Variants in FOXN3 observed in about 807,000 individuals in gnomAD.
The protein encoded by FOXN3 is forkhead box protein N3.
A neutral mutation model predicts 38.4 loss-of-function variants in FOXN3; 7 were observed. The ratio of observed to expected loss-of-function variants is 0.18; its 90% CI spans 0.10 to 0.34. The LOEUF (loss-of-function observed/expected upper bound fraction) is 0.34. Among genes scored for constraint, FOXN3 ranks in the 10% least tolerant of loss-of-function variants. FOXN3 has a pLI of 1.00. For missense variants in FOXN3, 456 were observed against 613.4 expected, an observed-to-expected ratio of 0.74 and a Z score of 2.71; for synonymous variants, 230 against 242.2, an observed-to-expected ratio of 0.95 and a Z score of 0.47.
intron 3 of FOXN3, among the ~76,000 whole-genome samples, chr14:89,340,114 G>C (rs1888575519): frequency 6.6e-6 from 1 of 152,094 alleles, no homozygotes; most frequent in African/African-American, 2.4e-5. Context: ...GGGGGTGCAG[G>C]GGAAGGAGGT....
At chr14:89,597,332 T>C (rs1009178519) in intron 1 of FOXN3, among the ~76,000 whole-genome samples, 23 of 152,206 alleles carry the variant, frequency 1.5e-4, no homozygotes, top group African/African-American at 5.5e-4. Context: ...ATTTCCATCC[T>C]ATACTCTATG....
chr14:89,261,369 T>A (rs1279408853), intron 4 of FOXN3, among the ~76,000 whole-genome samples: 1 of 152,204 alleles, frequency 6.6e-6, no homozygotes, highest in Non-Finnish European at 1.5e-5. Flanking sequence ...GCAGAAACGC[T>A]GGGACTCAAG....
chr14:89,177,075 A>G (rs1887541473), intron 5 of FOXN3, among the ~76,000 whole-genome samples: 1 of 142,984 alleles, frequency 7.0e-6, no homozygotes, highest in Non-Finnish European at 1.5e-5. Flanking sequence ...CAATGGCACA[A>G]TTTCGGCTCA....
chr14:89,547,224 G>GTTAT lies in FOXN3; in HGVS notation c.-15+71800_-15+71803dup, dbSNP rs142859577. On this transcript the variant is annotated intron_variant, in intron 1 of 6. Transcript: ENST00000345097. The stretch of plus-strand genomic sequence containing the variant: ...TCTATAACAGAATACCAGACACTAG[G>GTTAT]TTATTTATTTATTTATTTATTTATT... Among the ~76,000 whole-genome samples the GTTAT allele has an allele frequency of 3.7e-3, 530 of 144,852 alleles. 3 individuals carry two copies. The highest frequency in any genetic ancestry group is 0.011 in the Admixed American group (156 of 14,450).
intron 1 of FOXN3, among the ~76,000 whole-genome samples, chr14:89,531,016 T>C (rs1248954551): frequency 6.8e-6 from 1 of 147,594 alleles, no homozygotes; most frequent in Non-Finnish European, 1.5e-5. Flanking sequence ...ATACATATAA[T>C]ATCTACACAT....
chr14:89,528,418 A>T (rs757130153), intron 1 of FOXN3, among the ~76,000 whole-genome samples: 4 of 84,410 alleles, frequency 4.7e-5, no homozygotes, highest in Non-Finnish European at 6.9e-5. Context: ...TTGAAAAAGA[A>T]AGAGTTTTGC....
chr14:89,495,387 T>A (rs1038536282), intron 1 of FOXN3, among the ~76,000 whole-genome samples: 1 of 152,220 alleles, frequency 6.6e-6, no homozygotes, highest in Non-Finnish European at 1.5e-5. Flanking sequence ...AATTGAATCA[T>A]GCTTGGCTAT....
At chr14:89,411,841 C>T in intron 2 of FOXN3, 93 bp downstream of exon 2, 1 of 801,800 alleles carries the variant, frequency 1.2e-6, no homozygotes, top group Non-Finnish European at 1.8e-6. Flanking sequence ...ACTGCTACTT[C>T]AATGTGGTGA....
At chr14:89,389,140 T>C (rs1032604363) in intron 2 of FOXN3, among the ~76,000 whole-genome samples, 1 of 152,148 alleles carries the variant, frequency 6.6e-6, no homozygotes, top group Admixed American at 6.5e-5. Flanking sequence ...TACAGGCCCG[T>C]TTGGGAGGAA....
intron 1 of FOXN3, among the ~76,000 whole-genome samples, chr14:89,589,433 G>C (rs1895907999): frequency 2.0e-5 from 3 of 152,096 alleles, no homozygotes; most frequent in Admixed American, 6.5e-5. Flanking sequence ...ATGGCAGAAG[G>C]CACCACCAGT....
intron 1 of FOXN3, among the ~76,000 whole-genome samples, chr14:89,582,159 C>T (rs956051432): frequency 5.3e-5 from 8 of 152,130 alleles, no homozygotes; most frequent in Non-Finnish European, 1.2e-4. Context: ...AACAGTCCCC[C>T]GTCTGTGGGA....
chr14:89,373,165 C>CA (rs1388930361), intron 2 of FOXN3, among the ~76,000 whole-genome samples: 6 of 150,254 alleles, frequency 4.0e-5, no homozygotes, highest in Non-Finnish European at 7.4e-5. Context: ...GACCCTGTCT[C>CA]AAAAAAAAGA....
intron 1 of FOXN3, among the ~76,000 whole-genome samples, chr14:89,583,728 T>C (rs775734667): frequency 6.6e-6 from 1 of 151,906 alleles, no homozygotes; most frequent in Non-Finnish European, 1.5e-5. Flanking sequence ...TCTGGCTAAT[T>C]TTTGTATTTT....
chr14:89,554,622 G>A lies in FOXN3; in HGVS notation c.-15+64406C>T, dbSNP rs1895076175. On this transcript the variant is annotated intron_variant, in intron 1 of 6. Transcript: ENST00000345097. ...GCAGTGAAAACTTTCTCACCTCTGTGGCCAGCCACTCAATTCTACTTCTCA... is the reference window on the plus strand; with the variant it reads ...GCAGTGAAAACTTTCTCACCTCTGTAGCCAGCCACTCAATTCTACTTCTCA... Among the ~76,000 whole-genome samples the A allele has an allele frequency of 2.6e-5, 4 of 151,902 alleles. No individual in the cohort carries two copies. The South Asian group carries it at 8.3e-4, about 32-fold the overall frequency.
At chr14:89,180,862 C>A in intron 4 of FOXN3, 56 bp from the exon 5 acceptor site, 1 of 1,427,068 alleles carries the variant, frequency 7.0e-7, no homozygotes, top group South Asian at 1.3e-5. Flanking sequence ...TGAAGATTTC[C>A]GTTCCAAGTC....
chr14:89,198,951 C>T (rs776385099), intron 4 of FOXN3, among the ~76,000 whole-genome samples: 2 of 152,180 alleles, frequency 1.3e-5, no homozygotes, highest in African/African-American at 4.8e-5. Context: ...CCCTAGGCAT[C>T]GGTTAAGACA....
intron 4 of FOXN3, among the ~76,000 whole-genome samples, chr14:89,240,568 T>G (rs936925679): frequency 6.6e-6 from 1 of 152,100 alleles, no homozygotes; most frequent in Admixed American, 6.5e-5. Flanking sequence ...GAAAGCTACA[T>G]GATAAAAAAA....
intron 1 of FOXN3, among the ~76,000 whole-genome samples, chr14:89,602,307 G>T (rs913193121): frequency 6.7e-6 from 1 of 150,226 alleles, no homozygotes; most frequent in African/African-American, 2.5e-5. Flanking sequence ...AAACACATGC[G>T]AAAGAAAAAG....
intron 2 of FOXN3, among the ~76,000 whole-genome samples, chr14:89,408,480 C>T (rs895058445): frequency 6.6e-6 from 1 of 151,484 alleles, no homozygotes; most frequent in Non-Finnish European, 1.5e-5. Flanking sequence ...TCTCAAACTC[C>T]TGCACTCAAG....
Sources: gnomAD v4.1 joint callset for allele counts (sites outside exome capture counted in the v4.1 genomes callset) on GRCh38, gnomAD v4.1.1 for gene constraint, MANE v1.5 for transcripts, NCBI Gene and HGNC (gene_info 2026-07-23, HGNC 2026-07-21) for gene names.